Variants in ANO3 observed in about 807,000 individuals in gnomAD.
ANO3 encodes the protein anoctamin-3.
A neutral mutation model predicts 144.8 loss-of-function variants in ANO3; 99 were observed. That is an observed-to-expected ratio of 0.68 (90% CI 0.58 to 0.81). The LOEUF (loss-of-function observed/expected upper bound fraction) is 0.81, where lower values mean the gene tolerates loss of function less well. ANO3 is among the 30% of genes least tolerant of loss of function. ANO3 has a pLI of 0.00. For missense variants in ANO3, 905 were observed against 1,202.2 expected (o/e 0.75, Z 3.66); for synonymous variants, 414 against 392.6 (o/e 1.05, Z -0.64).
At chr11:26,201,522 A>G (rs933190286) in intron 1 of ANO3, among the ~76,000 whole-genome samples, 3 of 152,064 alleles carry the variant, frequency 2.0e-5, no homozygotes, top group Non-Finnish European at 4.4e-5. Context: ...TCAAATTACA[A>G]ATAGAGAAAA....
upstream of ANO3, among the ~76,000 whole-genome samples, chr11:26,305,985 G>A (rs1224277459): frequency 2.0e-5 from 3 of 151,922 alleles, no homozygotes; most frequent in African/African-American, 7.3e-5. Flanking sequence ...ACAGAGTCTC[G>A]CTTCTCGCTG....
intron 17 of ANO3, among the ~76,000 whole-genome samples, chr11:26,604,039 T>C: frequency 6.7e-6 from 1 of 150,184 alleles, no homozygotes; most frequent in Admixed American, 6.6e-5. Context: ...AGTAGAACAC[T>C]AGAACTTATT....
At chr11:26,655,332 T>A (rs2133093528) in intron 24 of ANO3, among the ~76,000 whole-genome samples, 1 of 152,294 alleles carries the variant, frequency 6.6e-6, no homozygotes, top group African/African-American at 2.4e-5. Context: ...TCACCCAGAT[T>A]TGACAAATGA....
chr11:26,237,552 C>T (rs1042474743), intron 1 of ANO3, among the ~76,000 whole-genome samples: 1 of 151,682 alleles, frequency 6.6e-6, no homozygotes, highest in African/African-American at 2.4e-5. Flanking sequence ...TAAAAATTAT[C>T]ATTTTAAAAA....
At chr11:26,629,679 T>A (rs528698981) in intron 18 of ANO3, among the ~76,000 whole-genome samples, 2 of 152,258 alleles carry the variant, frequency 1.3e-5, no homozygotes, top group Non-Finnish European at 2.9e-5. Flanking sequence ...TTGCCCAGGC[T>A]GGAAGGCAAT....
At chr11:26,559,835 TACACACACAC>T (rs71047866) in intron 14 of ANO3, 56 bp downstream of exon 14, 10,577 of 659,994 alleles carry the variant, frequency 0.016, 8 homozygotes, top group East Asian at 0.024. Flanking sequence ...GTTTCTGTGT[TACACACACAC>T]ACACACACAC....
At chr11:26,493,457 G>A (rs1466802448) in intron 4 of ANO3, among the ~76,000 whole-genome samples, 7 of 152,040 alleles carry the variant, frequency 4.6e-5, no homozygotes, top group African/African-American at 1.7e-4. Context: ...ACAGAATTAC[G>A]GCCTTGTGTT....
chr11:26,545,583 T>A (rs2134213514), intron 11 of ANO3, among the ~76,000 whole-genome samples: 1 of 152,088 alleles, frequency 6.6e-6, no homozygotes, highest in African/African-American at 2.4e-5. Context: ...GACATTTGTA[T>A]TTGAAAACAA....
chr11:26,303,254 A>C (rs998933124), intron 1 of ANO3, among the ~76,000 whole-genome samples: 1 of 152,194 alleles, frequency 6.6e-6, no homozygotes, highest in African/African-American at 2.4e-5. Flanking sequence ...TATGTTCATC[A>C]CAGCGCTATT....
Position 26,414,507 on chromosome 11 carries a change from G to A in ANO3, c.47-27411G>A, listed in dbSNP as rs557102415. On this transcript the variant is annotated intron_variant, in intron 1 of 26. Transcript: ENST00000256737. ...TCACAGGAACAGAAAACCAAGCACCGCATGTTCTCACTTATAAGTGGGAGT... is the reference window on the plus strand; with the variant it reads ...TCACAGGAACAGAAAACCAAGCACCACATGTTCTCACTTATAAGTGGGAGT... Among the ~76,000 whole-genome samples, 5 of 151,884 alleles carry A rather than the reference G, an allele frequency of 3.3e-5. No homozygotes were observed. The South Asian group carries it at 6.2e-4, about 19-fold the overall frequency.
intron 1 of ANO3, among the ~76,000 whole-genome samples, chr11:26,270,469 C>T (rs945627869): frequency 6.6e-6 from 1 of 152,140 alleles, no homozygotes; most frequent in African/African-American, 2.4e-5. Context: ...TGCTTGTGTA[C>T]ATACTTTTAT....
intron 5 of ANO3, 67 bp downstream of exon 5, chr11:26,508,329 T>C (rs745905852): frequency 1.4e-6 from 2 of 1,432,028 alleles, no homozygotes; most frequent in Non-Finnish European, 1.9e-6. Flanking sequence ...ACTTATGGTT[T>C]AGAAAGAAAA....
chr11:26,635,618 G>T (rs969002157), intron 20 of ANO3, among the ~76,000 whole-genome samples: 1 of 152,142 alleles, frequency 6.6e-6, no homozygotes. Flanking sequence ...TAGACTGTGT[G>T]AGCCTGCTTC....
At chr11:26,569,801 G>T (rs1008327652) in intron 14 of ANO3, among the ~76,000 whole-genome samples, 1 of 152,024 alleles carries the variant, frequency 6.6e-6, no homozygotes, top group African/African-American at 2.4e-5. Context: ...ATTATGGATG[G>T]TATCCCTGAG....
At chr11:26,194,973 T>C (rs544690809) in intron 1 of ANO3, among the ~76,000 whole-genome samples, 6 of 152,376 alleles carry the variant, frequency 3.9e-5, no homozygotes, top group Non-Finnish European at 7.3e-5. Context: ...ATTTATTCTT[T>C]CTTTGTGTTA....
At chr11:26,398,604 T>C (rs1857074338) in intron 1 of ANO3, among the ~76,000 whole-genome samples, 1 of 152,084 alleles carries the variant, frequency 6.6e-6, no homozygotes, top group Admixed American at 6.6e-5. Context: ...TAATGTAACA[T>C]GGATGGATGC....
At chr11:26,214,652 T>C (rs1852001465) in intron 1 of ANO3, among the ~76,000 whole-genome samples, 1 of 151,914 alleles carries the variant, frequency 6.6e-6, no homozygotes, top group Non-Finnish European at 1.5e-5. Context: ...TTTCAGAAAA[T>C]AGTACAAAGA....
At chr11:26,283,502 T>C (rs931031436) in intron 1 of ANO3, among the ~76,000 whole-genome samples, 5 of 151,416 alleles carry the variant, frequency 3.3e-5, no homozygotes, top group African/African-American at 1.2e-4. Context: ...TGTAAAACAT[T>C]CAACAATCAG....
intron 1 of ANO3, among the ~76,000 whole-genome samples, chr11:26,225,587 CT>C (rs1852241418): frequency 6.6e-6 from 1 of 151,884 alleles, no homozygotes; most frequent in Non-Finnish European, 1.5e-5. Context: ...CTCTATTATG[CT>C]TGGTTTGAGT....
Sources: gnomAD v4.1 joint callset for allele counts (sites outside exome capture counted in the v4.1 genomes callset) on GRCh38, gnomAD v4.1.1 for gene constraint, MANE v1.5 for transcripts, NCBI Gene and HGNC (gene_info 2026-07-23, HGNC 2026-07-21) for gene names.